The following MGAT4D variants were observed in gnomAD, a reference collection of about 807,000 sequenced individuals.
MGAT4D encodes MGAT4 family member D.
Under a neutral mutation model 15.9 loss-of-function variants are expected in MGAT4D, and 34 were observed. The ratio of observed to expected loss-of-function variants is 2.14; its 90% CI spans 1.62 to 2.84. The LOEUF (loss-of-function observed/expected upper bound fraction) is 2.84. Among genes scored for constraint, MGAT4D ranks in the 30% most tolerant of loss-of-function variants. MGAT4D has a pLI of 0.00. For missense variants in MGAT4D, 327 were observed against 140.2 expected (o/e 2.33, Z -6.73); for synonymous variants, 112 against 48.2 (o/e 2.33, Z -5.49).
intron 6 of MGAT4D, among the ~76,000 whole-genome samples, chr4:140,463,281 G>A (rs986864822): frequency 6.6e-6 from 1 of 152,134 alleles, no homozygotes; most frequent in African/African-American, 2.4e-5. Flanking sequence ...GGGGTCACAG[G>A]GTGAAGGAAA....
At chr4:140,468,596 T>G (rs1731704826) in intron 5 of MGAT4D, among the ~76,000 whole-genome samples, 1 of 152,202 alleles carries the variant, frequency 6.6e-6, no homozygotes, top group Non-Finnish European at 1.5e-5. Context: ...AGTAGTTTAT[T>G]GTTCAGAATA....
chr4:140,461,880 TACACACACACACACAC>T (rs10644682), intron 7 of MGAT4D, 33 bp downstream of exon 7: 16 of 535,374 alleles, frequency 3.0e-5, no homozygotes, highest in South Asian at 8.5e-5. Context: ...AATTGGTGTA[TACACACACACACACAC>T]ACACACACAC....
chr4:140,444,589 T>C (rs1578623907), intron 10 of MGAT4D, among the ~76,000 whole-genome samples: 1 of 152,234 alleles, frequency 6.6e-6, no homozygotes, highest in Non-Finnish European at 1.5e-5. Context: ...CCATGGTGTA[T>C]GTGTACCACA....
At chr4:140,469,207 A>G (rs537646077) in intron 5 of MGAT4D, among the ~76,000 whole-genome samples, 10 of 152,346 alleles carry the variant, frequency 6.6e-5, no homozygotes, top group African/African-American at 2.4e-4. Context: ...AAATAGAAAT[A>G]TAATGAACCC....
chr4:140,490,026 T>C (rs963169512), intron 1 of MGAT4D, among the ~76,000 whole-genome samples: 7 of 152,170 alleles, frequency 4.6e-5, no homozygotes, highest in Admixed American at 1.3e-4. Flanking sequence ...AGAGACTGAA[T>C]GTGTACTCCT....
intron 3 of MGAT4D, among the ~76,000 whole-genome samples, chr4:140,478,977 A>G (rs1246530713): frequency 6.6e-6 from 1 of 152,188 alleles, no homozygotes; most frequent in Non-Finnish European, 1.5e-5. Flanking sequence ...CACTGGAATG[A>G]GTGAGGTTTA....
At chr4:140,477,047 T>C (rs1402413358) in intron 3 of MGAT4D, among the ~76,000 whole-genome samples, 1 of 152,190 alleles carries the variant, frequency 6.6e-6, no homozygotes, top group African/African-American at 2.4e-5. Context: ...CCTGTGTCCA[T>C]GGTCTTGCTA....
intron 1 of MGAT4D, among the ~76,000 whole-genome samples, chr4:140,493,584 C>T (rs752655254): frequency 1.3e-5 from 2 of 152,054 alleles, no homozygotes; most frequent in African/African-American, 2.4e-5. Context: ...CATGAGCCAC[C>T]GTGCCTGGCC....
At position 140,456,642 on chromosome 4, in the gene MGAT4D, A is replaced by G; in HGVS notation, c.955T>C (p.Trp319Arg). The change falls in exon 9 of 11, where the codon TGG becomes CGG. Residue 319 changes from tryptophan (W) to arginine (R), a missense_variant. Physicochemically the swap from Trp to Arg is moderately radical, Grantham distance 101. Coordinates refer to ENST00000511113, the MANE Select transcript of MGAT4D (RefSeq NM_001277353.2). Reference protein sequence around the residue: ...LMFYKEKPIDWLLNDIFQVKV... With the variant: ...LMFYKEKPIDRLLNDIFQVKV... The stretch of plus-strand genomic sequence containing the variant: ...ACCTGAAAAATGTCATTCAAGAGCC[A>G]GTCTATGGGTTTCTCTTTGTAGAAC... 1.4e-6 allele frequency: 1 copy of G among 698,220 alleles called. No homozygotes were observed. Among genetic ancestry groups the G allele is most frequent in the East Asian group, 2.7e-5 (1 of 37,016 alleles). 43.3% of individuals were successfully genotyped at this position (698,220 alleles called of 1,614,324 possible).
intron 9 of MGAT4D, among the ~76,000 whole-genome samples, chr4:140,453,312 T>C (rs1227245670): frequency 6.6e-6 from 1 of 152,094 alleles, no homozygotes; most frequent in Middle Eastern, 3.2e-3. Flanking sequence ...AGATTTTGAT[T>C]AGAATTGTGT....
At position 140,442,415 on chromosome 4, in the gene MGAT4D, A is replaced by T. The variant is rs1279238185; in HGVS notation, c.*1021T>A. 1 of 152,128 alleles carries T rather than the reference A, an allele frequency of 6.6e-6. No homozygotes were observed. The highest frequency in any genetic ancestry group is 1.5e-5 in the Non-Finnish European group (1 of 68,012). 9.4% of individuals were successfully genotyped at this position (152,128 alleles called of 1,614,324 possible). On this transcript the variant is annotated 3_prime_UTR_variant, in exon 11 of 11. Transcript: ENST00000511113. ...GGATAACAAATAAATATCACTTATTATTGCTCAAAATAAGTAATACCTTAC... is the reference window on the plus strand; with the variant it reads ...GGATAACAAATAAATATCACTTATTTTTGCTCAAAATAAGTAATACCTTAC...
intron 10 of MGAT4D, among the ~76,000 whole-genome samples, chr4:140,443,696 T>A (rs943525384): frequency 3.9e-5 from 6 of 152,066 alleles, no homozygotes; most frequent in African/African-American, 1.4e-4. Context: ...TCTGTGGGAT[T>A]CCGGGGAAAT....
At chr4:140,450,030 A>T (rs2092047764) in intron 10 of MGAT4D, 1 of 294,796 alleles carries the variant, frequency 3.4e-6, no homozygotes, top group Admixed American at 5.2e-5. Context: ...GAAAGTTGAG[A>T]AATAGTCTAA....
intron 10 of MGAT4D, among the ~76,000 whole-genome samples, chr4:140,445,829 C>T (rs1419280794): frequency 6.6e-6 from 1 of 152,202 alleles, no homozygotes; most frequent in African/African-American, 2.4e-5. Flanking sequence ...TGTTGAAGAT[C>T]AGATGGCTGT....
intron 9 of MGAT4D, among the ~76,000 whole-genome samples, chr4:140,453,348 C>T (rs1356792738): frequency 1.3e-5 from 2 of 151,994 alleles, no homozygotes; most frequent in Admixed American, 1.3e-4. Flanking sequence ...ATTAGGGTAA[C>T]ATTCATACCT....
intron 5 of MGAT4D, among the ~76,000 whole-genome samples, chr4:140,465,574 C>T (rs1327197247): frequency 6.6e-6 from 1 of 151,976 alleles, no homozygotes; most frequent in Non-Finnish European, 1.5e-5. Flanking sequence ...ACAAAAATTC[C>T]AATATAAATC....
rs1271624273 is a variant in MGAT4D, at chr4:140,442,573, C to A, written c.*863G>T. 2 of 152,000 alleles carry A rather than the reference C, an allele frequency of 1.3e-5. No individual in the cohort carries two copies. Among genetic ancestry groups the A allele is most frequent in the Non-Finnish European group, 2.9e-5 (2 of 67,962 alleles). The allele number at this position is 152,000 out of a possible 1,614,324, so 9.4% of individuals were successfully genotyped here. On this transcript the variant is annotated 3_prime_UTR_variant, in exon 11 of 11. Transcript: ENST00000511113. Reference sequence around the variant, plus strand: ...GAAAGCCTGATATAAGAGAATTTTGCACCCAATAGATAGGAATACTTTTAA... The same window carrying A: ...GAAAGCCTGATATAAGAGAATTTTGAACCCAATAGATAGGAATACTTTTAA...
chr4:140,480,734 C>A (rs1004593069), intron 2 of MGAT4D, among the ~76,000 whole-genome samples: 1 of 2,266 alleles, frequency 4.4e-4, no homozygotes, highest in Non-Finnish European at 6.8e-4. Context: ...TCTAAACACA[C>A]ACACACACAC....
intron 9 of MGAT4D, among the ~76,000 whole-genome samples, chr4:140,455,773 T>TTA (rs1730755894): frequency 6.6e-6 from 1 of 152,216 alleles, no homozygotes; most frequent in African/African-American, 2.4e-5. Flanking sequence ...AACCCTTTTA[T>TTA]TATATATAAC....
Sources: allele counts gnomAD v4.1 joint callset (sites outside exome capture counted in the v4.1 genomes callset), GRCh38; gene constraint gnomAD v4.1.1; transcripts MANE v1.5; gene names NCBI Gene and HGNC (gene_info 2026-07-23, HGNC 2026-07-21).